The following ENTREP2 variants were observed in gnomAD, a reference collection of about 807,000 sequenced individuals.
The protein encoded by ENTREP2 is protein ENTREP2.
the ENTREP2 span, among the ~76,000 whole-genome samples, chr15:29,219,614 AATATAT>A: frequency 5.2e-3 from 200 of 38,284 alleles, 1 homozygote; most frequent in African/African-American, 7.6e-3. Flanking sequence ...GTGGTGCATA[AATATAT>A]ATATATATAT....
At chr15:29,327,814 G>A in the ENTREP2 span, among the ~76,000 whole-genome samples, 127 of 152,314 alleles carry the variant, frequency 8.3e-4, no homozygotes, top group African/African-American at 3.0e-3. Context: ...AATTGCTAGT[G>A]AGGATGCAGA....
the ENTREP2 span, among the ~76,000 whole-genome samples, chr15:29,284,565 A>AC: frequency 6.6e-6 from 1 of 151,894 alleles, no homozygotes; most frequent in African/African-American, 2.4e-5. Flanking sequence ...TCAAAAAAAA[A>AC]AAAAAAAACC....
At chr15:29,615,743 A>G in the ENTREP2 span, among the ~76,000 whole-genome samples, 1 of 152,042 alleles carries the variant, frequency 6.6e-6, no homozygotes, top group East Asian at 1.9e-4. Flanking sequence ...TCAGATTTCT[A>G]TTTTGGGTTG....
At chr15:29,391,131 G>C in the ENTREP2 span, among the ~76,000 whole-genome samples, 1 of 151,794 alleles carries the variant, frequency 6.6e-6, no homozygotes, top group African/African-American at 2.4e-5. Flanking sequence ...GTCTTGCTGG[G>C]GCCACAGAAG....
At chr15:29,530,492 G>A in the ENTREP2 span, among the ~76,000 whole-genome samples, 133 of 152,150 alleles carry the variant, frequency 8.7e-4, no homozygotes, top group African/African-American at 2.9e-3. Context: ...TAAGGTGCCC[G>A]GCACTGCAAC....
chr15:29,657,672 G>A, the ENTREP2 span, among the ~76,000 whole-genome samples: 427 of 151,998 alleles, frequency 2.8e-3, 2 homozygotes, highest in African/African-American at 9.4e-3. Flanking sequence ...TTTACAGAGC[G>A]CCGATTGGTG....
At chr15:29,637,170 C>T in the ENTREP2 span, among the ~76,000 whole-genome samples, 17 of 152,276 alleles carry the variant, frequency 1.1e-4, no homozygotes, top group African/African-American at 4.1e-4. Context: ...TGCTTAGGAA[C>T]TGATGTCAGA....
chr15:29,263,804 A>G, the ENTREP2 span, among the ~76,000 whole-genome samples: 1 of 152,134 alleles, frequency 6.6e-6, no homozygotes, highest in South Asian at 2.1e-4. Flanking sequence ...TTCTCCACCA[A>G]AAGAAACCGG....
At chr15:29,655,243 G>A in the ENTREP2 span, among the ~76,000 whole-genome samples, 2 of 152,178 alleles carry the variant, frequency 1.3e-5, no homozygotes, top group South Asian at 2.1e-4. Context: ...AGCTGAGAGT[G>A]TAACAAGAAA....
chr15:29,454,417 C>G, the ENTREP2 span, among the ~76,000 whole-genome samples: 1 of 152,126 alleles, frequency 6.6e-6, no homozygotes, highest in African/African-American at 2.4e-5. Context: ...GATGTGTGGT[C>G]AATTGTATCA....
At chr15:29,348,797 C>G in the ENTREP2 span, among the ~76,000 whole-genome samples, 1 of 152,176 alleles carries the variant, frequency 6.6e-6, no homozygotes, top group Non-Finnish European at 1.5e-5. Flanking sequence ...TGAGTAAAAC[C>G]ACACAGTTCC....
the ENTREP2 span, among the ~76,000 whole-genome samples, chr15:29,387,195 G>A: frequency 3.9e-5 from 6 of 152,292 alleles, no homozygotes; most frequent in African/African-American, 1.4e-4. Flanking sequence ...TTTATTGAGA[G>A]TTTTTAGCAT....
At chr15:29,506,551 G>A in the ENTREP2 span, among the ~76,000 whole-genome samples, 1 of 152,182 alleles carries the variant, frequency 6.6e-6, no homozygotes, top group Non-Finnish European at 1.5e-5. Flanking sequence ...CAGACTAACA[G>A]CAGATCTCTC....
the ENTREP2 span, among the ~76,000 whole-genome samples, chr15:29,521,977 T>C: frequency 6.6e-6 from 1 of 152,092 alleles, no homozygotes; most frequent in Admixed American, 6.6e-5. Flanking sequence ...GATCCACACA[T>C]ATACAGAAAA....
chr15:29,636,295 A>G, the ENTREP2 span, among the ~76,000 whole-genome samples: 8 of 152,296 alleles, frequency 5.3e-5, 1 homozygote, highest in South Asian at 1.5e-3. Flanking sequence ...GGCCAATGGA[A>G]CGTTAGCAGT....
chr15:29,202,901 T>C, the ENTREP2 span, among the ~76,000 whole-genome samples: 1 of 152,196 alleles, frequency 6.6e-6, no homozygotes, highest in African/African-American at 2.4e-5. Flanking sequence ...GGCATTTGGG[T>C]TGGTTCCAAG....
At chr15:29,380,899 T>G in the ENTREP2 span, among the ~76,000 whole-genome samples, 1 of 145,346 alleles carries the variant, frequency 6.9e-6, no homozygotes, top group African/African-American at 2.6e-5. Flanking sequence ...CAGGCTGGAG[T>G]GCAGTGGTGT....
chr15:29,477,620 C>G, the ENTREP2 span, among the ~76,000 whole-genome samples: 1 of 152,186 alleles, frequency 6.6e-6, no homozygotes, highest in African/African-American at 2.4e-5. Flanking sequence ...AATCTCCAGA[C>G]CTGTGCCTGC....
At chr15:29,291,879 CAGAGTACATTTAAAATATCAG>C in the ENTREP2 span, among the ~76,000 whole-genome samples, 1 of 151,562 alleles carries the variant, frequency 6.6e-6, no homozygotes, top group African/African-American at 2.4e-5. Context: ...CCAAGAAGTT[CAGAGTACATTTAAAATATCAG>C]TTCAAAGAAC....
Sources: allele counts gnomAD v4.1 joint callset (sites outside exome capture counted in the v4.1 genomes callset), GRCh38; gene constraint gnomAD v4.1.1; transcripts MANE v1.5; gene names NCBI Gene and HGNC (gene_info 2026-07-23, HGNC 2026-07-21).